Variants in TUBGCP3 observed in about 807,000 individuals in gnomAD.
TUBGCP3 encodes gamma-tubulin complex component 3.
A neutral mutation model predicts 123.1 loss-of-function variants in TUBGCP3; 50 were observed. The ratio of observed to expected loss-of-function variants is 0.41; its 90% CI spans 0.32 to 0.51. The LOEUF (loss-of-function observed/expected upper bound fraction) is 0.51. Among genes scored for constraint, TUBGCP3 ranks in the 20% least tolerant of loss-of-function variants. TUBGCP3 has a pLI of 0.36. For synonymous variants in TUBGCP3, 405 were observed against 413.9 expected (o/e 0.98, Z 0.26); for missense variants, 882 against 1,127.0 (o/e 0.78, Z 3.11).
chr13:112,602,478 C>A, the TUBGCP3 span, among the ~76,000 whole-genome samples: 74 of 151,900 alleles, frequency 4.9e-4, 1 homozygote, highest in South Asian at 0.014. Context: ...CTGAATAACT[C>A]TCTTTTCCCT....
At chr13:112,544,815 A>G (rs1566564968) in intron 11 of TUBGCP3, 2 of 152,338 alleles carry the variant, frequency 1.3e-5, no homozygotes, top group South Asian at 4.1e-4. Flanking sequence ...ATTCTGCCCA[A>G]ACGCTTGCTT....
At position 112,517,426 on chromosome 13, in the gene TUBGCP3, ATAAT is replaced by A. The variant is rs374536199; in HGVS notation, c.1951-855_1951-852del. 3.9e-4 allele frequency among the ~76,000 whole-genome samples: 60 copies of A among 152,322 alleles called. No homozygotes were observed. In the East Asian group the frequency reaches 9.4e-3, roughly 24 times the overall value. On this transcript the variant is annotated intron_variant, in intron 16 of 21. Coordinates refer to ENST00000261965, the MANE Select transcript of TUBGCP3 (RefSeq NM_006322.6). ...TTAATGAGATCTGTAATACTACGAAATAATTAATTATCTCTTATCTAGGCAATGT... is the reference window on the plus strand; with the variant it reads ...TTAATGAGATCTGTAATACTACGAAATAATTATCTCTTATCTAGGCAATGT...
At chr13:112,560,169 G>A (rs1303965286) in intron 3 of TUBGCP3, among the ~76,000 whole-genome samples, 36 of 149,944 alleles carry the variant, frequency 2.4e-4, no homozygotes, top group Admixed American at 1.7e-3. Context: ...GGTGGCTCAC[G>A]CCTGTAATCC....
chr13:112,598,873 A>T, the TUBGCP3 span, among the ~76,000 whole-genome samples: 1 of 151,620 alleles, frequency 6.6e-6, no homozygotes, highest in African/African-American at 2.4e-5. Flanking sequence ...TTGAACCTGG[A>T]AGTTGGAGGT....
chr13:112,576,873 C>T (rs1171072280), intron 1 of TUBGCP3, among the ~76,000 whole-genome samples: 1 of 143,168 alleles, frequency 7.0e-6, no homozygotes, highest in Non-Finnish European at 1.5e-5. Flanking sequence ...ACAAACAAAA[C>T]TCAAAGTACA....
At chr13:112,507,018 G>C (rs548000706) in intron 17 of TUBGCP3, among the ~76,000 whole-genome samples, 1 of 152,322 alleles carries the variant, frequency 6.6e-6, no homozygotes, top group Non-Finnish European at 1.5e-5. Context: ...TTCTACAGGT[G>C]CACAGAGTGT....
intron 11 of TUBGCP3, among the ~76,000 whole-genome samples, chr13:112,530,857 GAC>G (rs1338923382): frequency 6.6e-6 from 1 of 152,164 alleles, no homozygotes; most frequent in East Asian, 1.9e-4. Flanking sequence ...GTCTGGTCCT[GAC>G]AGGGTTACTG....
intron 20 of TUBGCP3, among the ~76,000 whole-genome samples, chr13:112,497,196 T>C (rs1880586712): frequency 6.6e-6 from 1 of 152,064 alleles, no homozygotes; most frequent in African/African-American, 2.4e-5. Flanking sequence ...ATTTTACAAA[T>C]AAGGAAACGA....
upstream of TUBGCP3, among the ~76,000 whole-genome samples, chr13:112,591,397 C>T (rs942731912): frequency 6.6e-6 from 1 of 152,230 alleles, no homozygotes; most frequent in African/African-American, 2.4e-5. Flanking sequence ...ATATAATCAT[C>T]GTCAGTAGAT....
intron 9 of TUBGCP3, 92 bp downstream of exon 9, chr13:112,548,016 T>A: frequency 1.0e-6 from 1 of 1,004,564 alleles, no homozygotes; most frequent in Non-Finnish European, 1.4e-6. Context: ...ATTTTAAAAG[T>A]AATGTATGAA....
chr13:112,565,673 G>T lies in TUBGCP3; in HGVS notation c.185-495C>A, dbSNP rs773991406. Among the ~76,000 whole-genome samples the T allele has an allele frequency of 3.3e-5, 5 of 152,182 alleles. No individual in the cohort carries two copies. The South Asian group carries it at 1.0e-3, about 32-fold the overall frequency. On this transcript the variant is annotated intron_variant, in intron 2 of 21. Transcript: ENST00000261965. ...CAGCAGGCTGGGCGCGGTGGCTCAC[G>T]CCTGTAATCCCAGCACTTTGGGAGA...
In TUBGCP3 at chr13:112,565,186, GAC is replaced by G. The variant is rs1880859310; in HGVS notation, c.185-10_185-9del. On this transcript the variant is annotated splice_polypyrimidine_tract_variant and intron_variant, in intron 2 of 21. Transcript: ENST00000261965. ...CTCTTCGTTGTCGAATAACTGAAAA[GAC>G]AGAAAAAAAATAAGTGTGGTAACTA... is the stretch of plus-strand genomic sequence containing the variant. 1 of 1,609,268 alleles carries G rather than the reference GAC, an allele frequency of 6.2e-7. No individual in the cohort carries two copies. The highest frequency in any genetic ancestry group is 1.3e-5 in the African/African-American group (1 of 74,860).
intron 1 of TUBGCP3, among the ~76,000 whole-genome samples, chr13:112,570,957 T>G (rs1486109802): frequency 6.6e-6 from 1 of 152,236 alleles, no homozygotes; most frequent in African/African-American, 2.4e-5. Flanking sequence ...TCCTCATCCC[T>G]TCACATTTTA....
chr13:112,569,236 A>G lies in TUBGCP3; in HGVS notation c.100T>C (p.Tyr34His). The change falls in exon 2 of 22, where the codon TAT (tyrosine) becomes CAT (histidine). Residue 34 changes from tyrosine (Y) to histidine (H), a missense_variant. This residue lies in a region of TUBGCP3 where 713 missense variants were observed against 874.0 expected (regional missense o/e 0.82). Coordinates refer to ENST00000261965, the MANE Select transcript of TUBGCP3 (RefSeq NM_006322.6). ...TTGCTGCCAATCACCCGCACAGCAT[A>G]CTGGAACTGCTGGGCTACATCAGCT... is the stretch of plus-strand genomic sequence containing the variant. Reference protein sequence around the residue: ...SEADVAQQFQYAVRVIGSNFA... With the variant: ...SEADVAQQFQHAVRVIGSNFA... The G allele has an allele frequency of 1.2e-6, 2 of 1,614,138 alleles. No homozygotes were observed. Among genetic ancestry groups the G allele is most frequent in the Non-Finnish European group, 1.7e-6 (2 of 1,180,008 alleles).
chr13:112,527,535 T>C (rs752093296), intron 11 of TUBGCP3, 51 bp from the exon 12 acceptor site: 14 of 1,301,210 alleles, frequency 1.1e-5, no homozygotes, highest in Non-Finnish European at 1.3e-5. Flanking sequence ...TATGGCAAAA[T>C]ATTAACCAAC....
chr13:112,486,890 G>A (rs1435613667), intron 21 of TUBGCP3, among the ~76,000 whole-genome samples: 1 of 152,200 alleles, frequency 6.6e-6, no homozygotes, highest in Non-Finnish European at 1.5e-5. Context: ...ACTCACTGAG[G>A]CACTGCGTCC....
intron 1 of TUBGCP3, among the ~76,000 whole-genome samples, chr13:112,577,328 C>G (rs890936853): frequency 5.3e-5 from 8 of 152,160 alleles, no homozygotes; most frequent in African/African-American, 1.9e-4. Flanking sequence ...CAGGTATCCT[C>G]CATATGATGT....
intron 17 of TUBGCP3, among the ~76,000 whole-genome samples, chr13:112,506,619 G>A (rs543789508): frequency 1.3e-5 from 2 of 152,270 alleles, no homozygotes; most frequent in Admixed American, 1.3e-4. Flanking sequence ...TTGCCATTAG[G>A]AATCTACAAC....
chr13:112,561,086 G>A (rs2139239404), intron 3 of TUBGCP3, among the ~76,000 whole-genome samples: 1 of 152,352 alleles, frequency 6.6e-6, no homozygotes, highest in African/African-American at 2.4e-5. Context: ...GACAACAGCA[G>A]GAAGCCTGCG....
Sources: gnomAD v4.1 joint callset for allele counts (sites outside exome capture counted in the v4.1 genomes callset) on GRCh38, gnomAD v4.1.1 for gene constraint, gnomAD v4.1.1 regional missense constraint, MANE v1.5 for transcripts, NCBI Gene and HGNC (gene_info 2026-07-23, HGNC 2026-07-21) for gene names.